The following CD8B variants were observed in gnomAD, a reference collection of about 807,000 sequenced individuals.
The protein encoded by CD8B is CD8 subunit beta, also known as T-cell surface glycoprotein CD8 beta chain.
CD8B carries 6 observed loss-of-function variants against 24.2 expected under a neutral mutation model. The ratio of observed to expected loss-of-function variants is 0.25; its 90% CI spans 0.14 to 0.49. The LOEUF is 0.49. CD8B is among the 20% of genes least tolerant of loss of function. CD8B has a pLI of 0.98. For synonymous variants in CD8B, 84 were observed against 108.3 expected, an observed-to-expected ratio of 0.78 and a Z score of 1.39; for missense variants, 196 against 271.3, an observed-to-expected ratio of 0.72 and a Z score of 1.95.
At chr2:86,853,156 T>C (rs1401157325) in intron 2 of CD8B, 70 bp from the exon 3 acceptor site, 1 of 1,548,958 alleles carries the variant, frequency 6.5e-7, no homozygotes, top group African/African-American at 1.4e-5. Context: ...CAAAACTTTG[T>C]CTTATGGCGG....
chr2:86,817,710 A>C (rs1008760052), intron 5 of CD8B, among the ~76,000 whole-genome samples: 2 of 152,212 alleles, frequency 1.3e-5, no homozygotes, highest in African/African-American at 4.8e-5. Context: ...GGGGTGAAGA[A>C]GGGGTCTCAA....
downstream of CD8B, among the ~76,000 whole-genome samples, chr2:86,834,467 T>TACACAC (rs59177290): frequency 1.6e-3 from 240 of 146,794 alleles, 3 homozygotes; most frequent in Admixed American, 9.3e-3. Flanking sequence ...TTTCTTCTCT[T>TACACAC]ACACACACAC....
chr2:86,844,880 G>C, intron 5 of CD8B, 42 bp downstream of exon 5: 1 of 1,556,234 alleles, frequency 6.4e-7, no homozygotes, highest in Non-Finnish European at 8.7e-7. Context: ...AGCTGCAGCA[G>C]GGGCTGAGGA....
intron 5 of CD8B, among the ~76,000 whole-genome samples, chr2:86,825,647 G>T (rs1036042041): frequency 6.6e-6 from 1 of 152,188 alleles, no homozygotes; most frequent in Admixed American, 6.5e-5. Context: ...GCTCCTATGG[G>T]TGATAACTGC....
chr2:86,834,474 AC>A (rs1675086651), downstream of CD8B, among the ~76,000 whole-genome samples: 1 of 151,904 alleles, frequency 6.6e-6, no homozygotes, highest in Non-Finnish European at 1.5e-5. Context: ...TCTTACACAC[AC>A]ACACACACAC....
intron 5 of CD8B, among the ~76,000 whole-genome samples, chr2:86,825,708 TG>T (rs1206682599): frequency 1.3e-5 from 2 of 152,126 alleles, no homozygotes; most frequent in East Asian, 3.9e-4. Context: ...AGCGGCAACA[TG>T]AGCAAAGATA....
downstream of CD8B, among the ~76,000 whole-genome samples, chr2:86,837,387 C>T (rs895478043): frequency 1.3e-5 from 2 of 152,166 alleles, no homozygotes; most frequent in East Asian, 1.9e-4. Context: ...AATCTCAAAC[C>T]GACGCAGGGC....
chr2:86,836,898 G>GT (rs1675199468), downstream of CD8B, among the ~76,000 whole-genome samples: 1 of 152,176 alleles, frequency 6.6e-6, no homozygotes, highest in African/African-American at 2.4e-5. Context: ...GCTCATTCCT[G>GT]TAATCCCAGG....
At chr2:86,833,678 T>C (rs910235078), downstream of CD8B, among the ~76,000 whole-genome samples, 2 of 132,646 alleles carry the variant, frequency 1.5e-5, no homozygotes, top group Non-Finnish European at 1.6e-5. Flanking sequence ...TGGGGGGCAG[T>C]GGGGACAGAG....
chr2:86,842,277 G>C lies in CD8B; in HGVS notation c.*30C>G. On this transcript the variant is annotated 3_prime_UTR_variant, in exon 6 of 6. Transcript: ENST00000390655. ...GCTCGTTACTGACCGATGTCTTTTT[G>C]TAGCAGGACACCAAAACCGTATTCT... The C allele has an allele frequency of 2.5e-6, 4 of 1,582,176 alleles. No homozygotes were observed. Among genetic ancestry groups the C allele is most frequent in the Non-Finnish European group, 3.4e-6 (4 of 1,166,306 alleles).
In CD8B at chr2:86,821,324, G is replaced by A. The variant is rs896938333; in HGVS notation, c.621-5606C>T. Among the ~76,000 whole-genome samples the A allele has an allele frequency of 2.0e-5, 3 of 152,110 alleles. 1 individual carries two copies. Among genetic ancestry groups the A allele is most frequent in the African/African-American group, 7.2e-5 (3 of 41,428 alleles). Reference sequence around the variant, plus strand: ...TTATCAAATGTGGTGTGATTTCTAAGACGCCATTGAGCCCTGCTAAAGGAG... The same window carrying A: ...TTATCAAATGTGGTGTGATTTCTAAAACGCCATTGAGCCCTGCTAAAGGAG... On this transcript the variant is annotated intron_variant, in intron 5 of 5. Transcript: ENST00000331469.
At chr2:86,830,970 C>T (rs1674884450) in intron 5 of CD8B, among the ~76,000 whole-genome samples, 1 of 141,230 alleles carries the variant, frequency 7.1e-6, no homozygotes, top group Non-Finnish European at 1.6e-5. Flanking sequence ...TTATTTAAAT[C>T]ATTTAGAATT....
At chr2:86,826,502 G>A (rs1271598058) in intron 5 of CD8B, among the ~76,000 whole-genome samples, 1 of 152,134 alleles carries the variant, frequency 6.6e-6, no homozygotes, top group Non-Finnish European at 1.5e-5. Flanking sequence ...CTATGGGAGA[G>A]GCGGTGACCC....
At chr2:86,843,900 A>C (rs1208079246) in intron 5 of CD8B, among the ~76,000 whole-genome samples, 12 of 152,206 alleles carry the variant, frequency 7.9e-5, no homozygotes. Flanking sequence ...CCCTGTCTCC[A>C]CCTAAAGCTG....
chr2:86,852,166 G>A (rs1374466037), intron 3 of CD8B, among the ~76,000 whole-genome samples: 4 of 152,164 alleles, frequency 2.6e-5, no homozygotes, highest in East Asian at 1.9e-4. Context: ...GAGTTTCACC[G>A]TGTTGCCCAG....
In CD8B at chr2:86,844,993, G is replaced by A. The variant is rs1392004340; in HGVS notation, c.584-35C>T. On this transcript the variant is annotated intron_variant, in intron 4 of 5. Transcript: ENST00000390655. ...GAAAGCAAGGGCGCCAGTCAGTGTG[G>A]GCTGTGGGTCACTGCGCTGAGCCCC... is the stretch of plus-strand genomic sequence containing the variant. 1.9e-6 allele frequency: 3 copies of A among 1,555,950 alleles called. No individual in the cohort carries two copies. The South Asian group carries it at 3.6e-5, about 18-fold the overall frequency.
chr2:86,837,071 C>A (rs1429257309), downstream of CD8B, among the ~76,000 whole-genome samples: 8 of 152,238 alleles, frequency 5.3e-5, no homozygotes, highest in East Asian at 1.5e-3. Flanking sequence ...GTGCAAGGAT[C>A]GCTTGAGCCT....
rs1320103643 is a variant in CD8B, at chr2:86,842,110, G to A, written c.*197C>T. 2 of 1,390,320 alleles carry A rather than the reference G, an allele frequency of 1.4e-6. No individual in the cohort carries two copies. Among genetic ancestry groups the A allele is most frequent in the African/African-American group, 1.5e-5 (1 of 67,548 alleles). 86.1% of individuals were successfully genotyped at this position (1,390,320 alleles called of 1,614,324 possible). A position where few individuals can be genotyped will look rare whatever the true frequency, so the allele number is the denominator to read the frequency against. On this transcript the variant is annotated 3_prime_UTR_variant, in exon 6 of 6. Transcript: ENST00000390655. The stretch of plus-strand genomic sequence containing the variant: ...TGGGGGCAATGAAACCTTCTCCCTA[G>A]TATTCCCGATGACCCACGAACAAGT...
At chr2:86,816,737 G>A (rs996108176) in intron 5 of CD8B, among the ~76,000 whole-genome samples, 2 of 152,132 alleles carry the variant, frequency 1.3e-5, no homozygotes, top group African/African-American at 4.8e-5. Flanking sequence ...GAATAAATAT[G>A]AAAAGCAAAG....
Sources: gnomAD v4.1 joint callset for allele counts (sites outside exome capture counted in the v4.1 genomes callset) on GRCh38, gnomAD v4.1.1 for gene constraint, MANE v1.5 for transcripts, NCBI Gene and HGNC (gene_info 2026-07-23, HGNC 2026-07-21) for gene names.